The following DIAPH2 variants were observed in gnomAD, a reference collection of about 807,000 sequenced individuals.
The protein encoded by DIAPH2 is protein diaphanous homolog 2.
A neutral mutation model predicts 92.7 loss-of-function variants in DIAPH2; 35 were observed. The observed-to-expected ratio is 0.38, with a 90% CI of 0.29 to 0.50. DIAPH2 has a LOEUF of 0.50. DIAPH2 is among the 20% of genes least tolerant of loss of function. DIAPH2 has a pLI of 0.94. For synonymous variants in DIAPH2, 301 were observed against 280.4 expected, an observed-to-expected ratio of 1.07 and a Z score of -0.73; for missense variants, 701 against 819.5, an observed-to-expected ratio of 0.86 and a Z score of 1.77.
chrX:97,459,059 T>G lies in DIAPH2; in HGVS notation c.3241+29314T>G, dbSNP rs192438897. 6.9e-4 allele frequency among the ~76,000 whole-genome samples: 78 copies of G among 112,275 alleles called. No homozygotes were observed. In the East Asian group the frequency reaches 0.02, roughly 29 times the overall value. On this transcript the variant is annotated intron_variant, in intron 26 of 26. Transcript: ENST00000324765. ...GGGAGGGGGCCAAGGATTCTGTTTT[T>G]GTTTTTTCTTTTAATCTCTAGATAC...
At chrX:97,597,228 G>C (rs1166317886) in intron 26 of DIAPH2, among the ~76,000 whole-genome samples, 1 of 111,897 alleles carries the variant, frequency 8.9e-6, no homozygotes, top group Admixed American at 9.5e-5. Context: ...AGAAAATCTA[G>C]AATAATTCTG....
chrX:97,145,056 C>T (rs1363168515), intron 22 of DIAPH2, among the ~76,000 whole-genome samples: 1 of 112,083 alleles, frequency 8.9e-6, no homozygotes. Flanking sequence ...TGAGCCACCG[C>T]ACCAGGCCTG....
intron 26 of DIAPH2, among the ~76,000 whole-genome samples, chrX:97,537,931 C>A (rs1312671256): frequency 9.7e-6 from 1 of 102,959 alleles, no homozygotes; most frequent in Non-Finnish European, 2.0e-5. Flanking sequence ...GTTGCCCAGG[C>A]TGGAGTGCAG....
At chrX:97,210,307 T>C (rs1461842277) in intron 22 of DIAPH2, among the ~76,000 whole-genome samples, 1 of 112,119 alleles carries the variant, frequency 8.9e-6, no homozygotes, top group African/African-American at 3.2e-5. Context: ...AGGAAACCTT[T>C]CGATGATAGT....
At chrX:97,388,165 A>T in intron 25 of DIAPH2, among the ~76,000 whole-genome samples, 1 of 111,575 alleles carries the variant, frequency 9.0e-6, no homozygotes, top group Admixed American at 9.5e-5. Flanking sequence ...CAGCAGGGTC[A>T]TGCTCCTTTT....
At chrX:97,159,970 C>T (rs1010077001) in intron 22 of DIAPH2, among the ~76,000 whole-genome samples, 13 of 110,603 alleles carry the variant, frequency 1.2e-4, no homozygotes, top group Non-Finnish European at 2.3e-4. Flanking sequence ...ACACTGACTG[C>T]AGGGTTGCAG....
intron 26 of DIAPH2, among the ~76,000 whole-genome samples, chrX:97,542,779 T>C (rs1023291000): frequency 4.5e-5 from 5 of 111,210 alleles, no homozygotes; most frequent in Non-Finnish European, 9.4e-5. Context: ...AAGACTCTGC[T>C]TGTATTGATC....
chrX:96,813,345 C>T (rs1457513100), intron 4 of DIAPH2, among the ~76,000 whole-genome samples: 7 of 109,825 alleles, frequency 6.4e-5, no homozygotes, highest in East Asian at 2.8e-4. Context: ...GATTGCAACT[C>T]CTCTTTTTTT....
chrX:97,311,819 G>A (rs1051531986), intron 23 of DIAPH2, among the ~76,000 whole-genome samples: 5 of 110,520 alleles, frequency 4.5e-5, no homozygotes, highest in African/African-American at 9.9e-5. Context: ...GGGAAATGCC[G>A]TTATCATCTT....
chrX:97,587,184 A>G (rs773041357), intron 26 of DIAPH2, among the ~76,000 whole-genome samples: 82 of 111,105 alleles, frequency 7.4e-4, no homozygotes, highest in African/African-American at 2.7e-3. Context: ...GACTCTGCTT[A>G]TGACAGCAAG....
intron 20 of DIAPH2, among the ~76,000 whole-genome samples, chrX:97,106,563 A>T (rs1473616719): frequency 1.8e-5 from 2 of 111,902 alleles, no homozygotes; most frequent in Admixed American, 9.5e-5. Flanking sequence ...TTTTCATTAA[A>T]TTTTTTAAAA....
chrX:97,176,522 T>C (rs1310155766), intron 22 of DIAPH2, among the ~76,000 whole-genome samples: 2 of 110,074 alleles, frequency 1.8e-5, no homozygotes, highest in Non-Finnish European at 3.8e-5. Flanking sequence ...TTGTTTTGTT[T>C]TGTTTTGTTT....
intron 17 of DIAPH2, among the ~76,000 whole-genome samples, chrX:97,011,919 AGAG>A (rs1305881427): frequency 1.0e-5 from 1 of 98,907 alleles, no homozygotes; most frequent in Non-Finnish European, 2.1e-5. Flanking sequence ...AAAAAAAAAA[AGAG>A]GGATTTGCTA....
chrX:97,192,311 A>G lies in DIAPH2; in HGVS notation c.2719+50517A>G, dbSNP rs892363524. Among the ~76,000 whole-genome samples the G allele has an allele frequency of 9.8e-5, 9 of 91,661 alleles. No individual in the cohort carries two copies. The South Asian group carries it at 3.2e-3, about 33-fold the overall frequency. 79.6% of individuals were successfully genotyped at this position (91,661 alleles called of 115,157 possible). A position where few individuals can be genotyped will look rare whatever the true frequency, so the allele number is the denominator to read the frequency against. ...TCCGTCTCAAAAAAAAAAAAAAAAA[A>G]AAAGAAAAGAAAAGAAAAGTACTTT... On this transcript the variant is annotated intron_variant, in intron 22 of 26. Coordinates refer to ENST00000324765, the MANE Select transcript of DIAPH2 (RefSeq NM_006729.5).
intron 21 of DIAPH2, among the ~76,000 whole-genome samples, chrX:97,121,682 C>T (rs774380306): frequency 9.9e-5 from 11 of 111,662 alleles, no homozygotes; most frequent in African/African-American, 2.0e-4. Context: ...TTTGTAAAGA[C>T]GCAAAAATGT....
chrX:96,962,802 T>C (rs1324626991), intron 16 of DIAPH2, among the ~76,000 whole-genome samples: 4 of 110,168 alleles, frequency 3.6e-5, no homozygotes, highest in African/African-American at 9.9e-5. Flanking sequence ...ATTTTGTTAA[T>C]TGTTTTCTGT....
intron 8 of DIAPH2, among the ~76,000 whole-genome samples, chrX:96,918,138 T>TTAGA (rs1437696874): frequency 9.0e-6 from 1 of 111,182 alleles, no homozygotes; most frequent in African/African-American, 3.3e-5. Context: ...ATTGTAATGG[T>TTAGA]CTTTCAGTTA....
rs1420922380 is a variant in DIAPH2 at position 96,764,508 on chromosome X, A to C, written c.447+6250A>C. Among the ~76,000 whole-genome samples, 4 of 111,831 alleles carry C rather than the reference A, an allele frequency of 3.6e-5. No individual in the cohort carries two copies. The East Asian group carries it at 1.1e-3, about 31-fold the overall frequency. ...CTTGAAGTCCAGGCGGCAAATTATA[A>C]ATTAGTTTGAGCAAGGAGGTAACAT... On this transcript the variant is annotated intron_variant, in intron 4 of 26. Coordinates refer to ENST00000324765, the MANE Select transcript of DIAPH2 (RefSeq NM_006729.5).
chrX:97,443,154 G>T (rs1478658918), intron 26 of DIAPH2, among the ~76,000 whole-genome samples: 1 of 111,683 alleles, frequency 9.0e-6, no homozygotes, highest in African/African-American at 3.3e-5. Context: ...CTTTGCCTCG[G>T]CCTCTCAGAG....
Sources: gnomAD v4.1 joint callset for allele counts (sites outside exome capture counted in the v4.1 genomes callset) on GRCh38, gnomAD v4.1.1 for gene constraint, MANE v1.5 for transcripts, NCBI Gene and HGNC (gene_info 2026-07-23, HGNC 2026-07-21) for gene names.